The following MARCHF1 variants were observed in gnomAD, a reference collection of about 807,000 sequenced individuals.
MARCHF1 encodes the protein E3 ubiquitin-protein ligase MARCHF1.
In MARCHF1, 40 loss-of-function variants were observed where a neutral mutation model predicts 54.2. The observed-to-expected ratio is 0.74, with a 90% confidence interval of 0.57 to 0.96. MARCHF1 has a LOEUF of 0.96. MARCHF1 is among the 40% of genes least tolerant of loss of function. The pLI is 0.00. For synonymous variants in MARCHF1, 236 were observed against 236.3 expected, an observed-to-expected ratio of 1.00 and a Z score of 0.01; for missense variants, 586 against 656.5, an observed-to-expected ratio of 0.89 and a Z score of 1.17.
chr4:164,267,204 A>C (rs2111297043), intron 1 of MARCHF1, among the ~76,000 whole-genome samples: 1 of 152,318 alleles, frequency 6.6e-6, no homozygotes, highest in East Asian at 1.9e-4. Context: ...ATTCTGGATA[A>C]GATATTGTGG....
chr4:163,998,394 T>C (rs571169133), intron 2 of MARCHF1, among the ~76,000 whole-genome samples: 1 of 151,630 alleles, frequency 6.6e-6, no homozygotes, highest in Non-Finnish European at 1.5e-5. Flanking sequence ...TTAATACTCA[T>C]GTTAATTAAT....
chr4:163,748,760 C>T (rs1746433022), intron 4 of MARCHF1, among the ~76,000 whole-genome samples: 2 of 152,224 alleles, frequency 1.3e-5, no homozygotes, highest in Admixed American at 6.5e-5. Flanking sequence ...GATCTAGTTC[C>T]CTCCCTGGTG....
At chr4:163,565,946 G>A (rs1431359060) in intron 8 of MARCHF1, among the ~76,000 whole-genome samples, 1 of 152,070 alleles carries the variant, frequency 6.6e-6, no homozygotes, top group African/African-American at 2.4e-5. Flanking sequence ...CAATTATCCC[G>A]GTGGGGCTGA....
At chr4:164,341,152 G>A (rs1394645536) in intron 1 of MARCHF1, among the ~76,000 whole-genome samples, 2 of 151,806 alleles carry the variant, frequency 1.3e-5, no homozygotes, top group Admixed American at 1.3e-4. Context: ...AAGATGCAGA[G>A]AAAGTATTTG....
chr4:164,189,940 A>G (rs1731080257), intron 1 of MARCHF1: 1 of 1,558,694 alleles, frequency 6.4e-7, no homozygotes. Context: ...AACAAAAATA[A>G]GATCACAATT....
chr4:163,826,329 T>C (rs1748846177), intron 4 of MARCHF1, among the ~76,000 whole-genome samples: 2 of 152,060 alleles, frequency 1.3e-5, no homozygotes, highest in South Asian at 4.1e-4. Context: ...GGTCAGCAAG[T>C]ATGAATAAAG....
At chr4:164,287,608 C>G (rs1734184587) in intron 1 of MARCHF1, among the ~76,000 whole-genome samples, 1 of 152,166 alleles carries the variant, frequency 6.6e-6, no homozygotes, top group Non-Finnish European at 1.5e-5. Context: ...TTCCGTCAGA[C>G]TGAGATCTTC....
At chr4:164,372,941 TA>T (rs1417293127) in intron 1 of MARCHF1, among the ~76,000 whole-genome samples, 1 of 152,126 alleles carries the variant, frequency 6.6e-6, no homozygotes, top group African/African-American at 2.4e-5. Flanking sequence ...CTCAAGCAAA[TA>T]AATCTTCGCA....
At chr4:164,147,825 TA>T (rs1207168203) in intron 1 of MARCHF1, among the ~76,000 whole-genome samples, 1 of 132,286 alleles carries the variant, frequency 7.6e-6, no homozygotes, top group Non-Finnish European at 1.5e-5. Flanking sequence ...AGTATAATAA[TA>T]AAAAAAGTCA....
intron 1 of MARCHF1, among the ~76,000 whole-genome samples, chr4:164,252,591 A>G (rs1048043190): frequency 5.3e-5 from 8 of 152,162 alleles, no homozygotes; most frequent in African/African-American, 1.9e-4. Context: ...GGAAGCCAAA[A>G]GCTGAGAAAG....
intron 9 of MARCHF1, among the ~76,000 whole-genome samples, chr4:163,538,668 G>A (rs1259466567): frequency 6.6e-6 from 1 of 152,158 alleles, no homozygotes; most frequent in Non-Finnish European, 1.5e-5. Context: ...CGAGGGGTAC[G>A]GATTTTATTC....
chr4:163,722,510 A>G (rs910726963), intron 4 of MARCHF1, among the ~76,000 whole-genome samples: 1 of 152,158 alleles, frequency 6.6e-6, no homozygotes, highest in African/African-American at 2.4e-5. Flanking sequence ...TATTCTGTTG[A>G]TTTGGGGTGG....
At chr4:163,812,478 C>T (rs1026881839) in intron 4 of MARCHF1, among the ~76,000 whole-genome samples, 4 of 152,102 alleles carry the variant, frequency 2.6e-5, no homozygotes, top group South Asian at 2.1e-4. Flanking sequence ...TTGAAACCAA[C>T]GAGGCACAGT....
chr4:163,703,920 A>T (rs1281474396), intron 4 of MARCHF1, among the ~76,000 whole-genome samples: 1 of 152,000 alleles, frequency 6.6e-6, no homozygotes, highest in Admixed American at 6.6e-5. Context: ...TGAGAAAATC[A>T]TTACCAAGTT....
intron 3 of MARCHF1, among the ~76,000 whole-genome samples, chr4:163,966,720 A>C (rs1752450917): frequency 6.6e-6 from 1 of 152,146 alleles, no homozygotes; most frequent in Non-Finnish European, 1.5e-5. Flanking sequence ...CAGATAAGGA[A>C]ATGAGGCTTT....
intron 4 of MARCHF1, among the ~76,000 whole-genome samples, chr4:163,831,085 G>C (rs1223325256): frequency 2.0e-5 from 3 of 152,132 alleles, no homozygotes; most frequent in African/African-American, 7.2e-5. Context: ...TTTACAAAAA[G>C]CTCAGCCAAA....
At chr4:163,984,983 G>C (rs1752833938) in intron 3 of MARCHF1, among the ~76,000 whole-genome samples, 1 of 152,012 alleles carries the variant, frequency 6.6e-6, no homozygotes, top group African/African-American at 2.4e-5. Context: ...AGGTGTAGGT[G>C]AACCTAAACC....
chr4:163,688,622 C>T lies in MARCHF1; in HGVS notation c.162+12191G>A, dbSNP rs186154319. Among the ~76,000 whole-genome samples, 507 of 152,252 alleles carry T rather than the reference C, an allele frequency of 3.3e-3. 4 individuals are homozygous for T. The highest frequency in any genetic ancestry group is 0.012 in the African/African-American group (485 of 41,564). On this transcript the variant is annotated intron_variant, in intron 5 of 9. Transcript: ENST00000514618. ...ATGTTTGTATAGTTCATCAACCTCACAGATTTTTTTTAAGATACACCAATT... is the reference window on the plus strand; with the variant it reads ...ATGTTTGTATAGTTCATCAACCTCATAGATTTTTTTTAAGATACACCAATT...
intron 4 of MARCHF1, among the ~76,000 whole-genome samples, chr4:163,805,342 T>A (rs1748196353): frequency 6.7e-6 from 1 of 148,998 alleles, no homozygotes. Flanking sequence ...TGGATGAAAG[T>A]AAAAGAAATA....
Sources: gnomAD v4.1 joint callset for allele counts (sites outside exome capture counted in the v4.1 genomes callset) on GRCh38, gnomAD v4.1.1 for gene constraint, MANE v1.5 for transcripts, NCBI Gene and HGNC (gene_info 2026-07-23, HGNC 2026-07-21) for gene names.